EFCAB11: variants seen among roughly 807,000 people sequenced by gnomAD.
EFCAB11 encodes EF-hand calcium-binding domain-containing protein 11.
EFCAB11 carries 14 observed loss-of-function variants against 23.0 expected under a neutral mutation model. The observed-to-expected ratio is 0.61, with a 90% CI of 0.40 to 0.95. EFCAB11 has a LOEUF of 0.95. Among genes scored for constraint, EFCAB11 ranks in the 40% least tolerant of loss-of-function variants. EFCAB11 has a pLI of 0.00. For missense variants in EFCAB11, 198 were observed against 195.8 expected, an observed-to-expected ratio of 1.01 and a Z score of -0.07; for synonymous variants, 65 against 66.6, an observed-to-expected ratio of 0.98 and a Z score of 0.11.
chr14:89,892,435 C>T, intron 5 of EFCAB11: 1 of 1,561,344 alleles, frequency 6.4e-7, no homozygotes, highest in African/African-American at 1.4e-5. Flanking sequence ...CAGGCCCATG[C>T]CAGTGTTGAC....
At chr14:89,895,031 T>G (rs1889113130) in intron 5 of EFCAB11, among the ~76,000 whole-genome samples, 1 of 152,216 alleles carries the variant, frequency 6.6e-6, no homozygotes, top group African/African-American at 2.4e-5. Flanking sequence ...TGATCTACAG[T>G]GAGTTGATTA....
intron 5 of EFCAB11, among the ~76,000 whole-genome samples, chr14:89,883,612 C>T (rs1246167119): frequency 6.6e-6 from 1 of 151,980 alleles, no homozygotes; most frequent in Non-Finnish European, 1.5e-5. Flanking sequence ...ATATGTTCAG[C>T]GTAGATGTAA....
At chr14:89,947,016 T>A (rs1360678269) in intron 3 of EFCAB11, among the ~76,000 whole-genome samples, 1 of 152,192 alleles carries the variant, frequency 6.6e-6, no homozygotes, top group Non-Finnish European at 1.5e-5. Flanking sequence ...ATATAGATGA[T>A]AAATCAGATA....
At chr14:89,930,713 T>A (rs1890359391) in intron 5 of EFCAB11, among the ~76,000 whole-genome samples, 1 of 152,336 alleles carries the variant, frequency 6.6e-6, no homozygotes, top group Admixed American at 6.5e-5. Context: ...CCTTCCCGAC[T>A]GTGTGGTCAA....
At chr14:89,862,411 T>C (rs1176644415) in intron 5 of EFCAB11, among the ~76,000 whole-genome samples, 1 of 152,210 alleles carries the variant, frequency 6.6e-6, no homozygotes, top group Non-Finnish European at 1.5e-5. Context: ...TCACTCTGAA[T>C]ATAGAGGGGA....
At chr14:89,858,344 C>T (rs1393368760) in intron 5 of EFCAB11, among the ~76,000 whole-genome samples, 1 of 152,192 alleles carries the variant, frequency 6.6e-6, no homozygotes, top group Non-Finnish European at 1.5e-5. Flanking sequence ...GACGACCCAG[C>T]AAAGCCACTC....
At chr14:89,905,488 G>C (rs1030484727) in intron 5 of EFCAB11, among the ~76,000 whole-genome samples, 1 of 152,116 alleles carries the variant, frequency 6.6e-6, no homozygotes, top group African/African-American at 2.4e-5. Flanking sequence ...TGAAAAGAAG[G>C]GATACTCACT....
rs191524507 is a variant in EFCAB11 at position 89,816,855 on chromosome 14, C to A, written c.411-19531G>T. On this transcript the variant is annotated intron_variant, in intron 5 of 5. Transcript: ENST00000316738. The stretch of plus-strand genomic sequence containing the variant: ...AGTAAAATAATGCAAGGATAATTAT[C>A]ATATAAAACATGCTCTAAAAATAAT... 2.8e-4 allele frequency among the ~76,000 whole-genome samples: 42 copies of A among 152,154 alleles called. 1 individual carries two copies. The highest frequency in any genetic ancestry group is 9.1e-4 in the African/African-American group (38 of 41,548).
chr14:89,798,155 C>T (rs1349781719), intron 5 of EFCAB11, among the ~76,000 whole-genome samples: 2 of 152,216 alleles, frequency 1.3e-5, no homozygotes, highest in African/African-American at 2.4e-5. Flanking sequence ...AGTTTTAAAG[C>T]AGGCTTTTAA....
At chr14:89,812,141 C>T (rs780628713) in intron 5 of EFCAB11, among the ~76,000 whole-genome samples, 41 of 151,968 alleles carry the variant, frequency 2.7e-4, no homozygotes, top group Middle Eastern at 3.4e-3. Context: ...TTTGGCAATC[C>T]GTGGGGAAAA....
intron 5 of EFCAB11, among the ~76,000 whole-genome samples, chr14:89,865,788 C>A (rs1482596645): frequency 6.6e-6 from 1 of 151,970 alleles, no homozygotes; most frequent in African/African-American, 2.4e-5. Flanking sequence ...CTTCAGACTC[C>A]CAAGTTGGTG....
chr14:89,932,500 C>T (rs768748525), intron 4 of EFCAB11, 26 bp downstream of exon 4: 21 of 1,589,252 alleles, frequency 1.3e-5, no homozygotes, highest in African/African-American at 5.4e-5. Flanking sequence ...ATTTTTTTTA[C>T]ATCAAAACAC....
intron 5 of EFCAB11, among the ~76,000 whole-genome samples, chr14:89,911,249 T>A (rs1215811675): frequency 6.6e-6 from 1 of 152,206 alleles, no homozygotes; most frequent in East Asian, 1.9e-4. Flanking sequence ...TAAATAGGCA[T>A]TGCCGTGTGC....
chr14:89,924,294 A>T, intron 5 of EFCAB11: 1 of 1,027,676 alleles, frequency 9.7e-7, no homozygotes. Flanking sequence ...ATATAACTTT[A>T]AACGTCTCCA....
intron 5 of EFCAB11, among the ~76,000 whole-genome samples, chr14:89,819,614 T>G (rs1886444731): frequency 6.6e-6 from 1 of 152,014 alleles, no homozygotes; most frequent in African/African-American, 2.4e-5. Flanking sequence ...AAAAACCCAT[T>G]TCTTTAGAGA....
At chr14:89,879,674 A>C (rs575418130) in intron 5 of EFCAB11, among the ~76,000 whole-genome samples, 29 of 152,178 alleles carry the variant, frequency 1.9e-4, no homozygotes, top group Non-Finnish European at 3.8e-4. Context: ...AAACCAAGTT[A>C]ATTTGTAGGC....
intron 5 of EFCAB11, among the ~76,000 whole-genome samples, chr14:89,909,538 G>A (rs1027112918): frequency 3.9e-5 from 6 of 152,084 alleles, no homozygotes; most frequent in African/African-American, 7.2e-5. Context: ...CTGAGATCGC[G>A]CCATTGCACT....
chr14:89,801,993 CA>C (rs879381350), intron 5 of EFCAB11, among the ~76,000 whole-genome samples: 1,356 of 123,820 alleles, frequency 0.011, 19 homozygotes, highest in African/African-American at 0.032. Context: ...GACTCTGTCT[CA>C]AAAAAAAAAA....
intron 5 of EFCAB11, among the ~76,000 whole-genome samples, chr14:89,891,914 C>T (rs1273575606): frequency 6.6e-6 from 1 of 152,030 alleles, no homozygotes; most frequent in Admixed American, 6.6e-5. Context: ...ACAGCCCAAG[C>T]CCGAGCCCAC....
Sources: allele counts gnomAD v4.1 joint callset (sites outside exome capture counted in the v4.1 genomes callset), GRCh38; gene constraint gnomAD v4.1.1; transcripts MANE v1.5; gene names NCBI Gene and HGNC (gene_info 2026-07-23, HGNC 2026-07-21).